Variants in MBTPS1 observed in about 807,000 individuals in gnomAD.
The protein encoded by MBTPS1 is membrane bound transcription factor peptidase, site 1, also known as membrane-bound transcription factor site-1 protease.
Under a neutral mutation model 127.8 loss-of-function variants are expected in MBTPS1, and 94 were observed. The ratio of observed to expected loss-of-function variants is 0.74; its 90% CI spans 0.62 to 0.87. MBTPS1 has a LOEUF of 0.87. Ranked by LOEUF, MBTPS1 falls within the 40% of genes least tolerant of loss-of-function variation. The pLI is 0.00. For missense variants in MBTPS1, 1,636 were observed against 1,353.2 expected, an observed-to-expected ratio of 1.21 and a Z score of -3.28; for synonymous variants, 632 against 509.4, an observed-to-expected ratio of 1.24 and a Z score of -3.24.
At chr16:84,091,235 C>A (rs112234205) in intron 7 of MBTPS1, among the ~76,000 whole-genome samples, 1 of 152,114 alleles carries the variant, frequency 6.6e-6, no homozygotes, top group East Asian at 1.9e-4. Flanking sequence ...CCTGTAATCC[C>A]AGCACTTTGA....
chr16:84,065,560 T>C, intron 18 of MBTPS1, 130 bp downstream of exon 18: 1 of 692,216 alleles, frequency 1.4e-6, no homozygotes, highest in East Asian at 2.7e-5. Flanking sequence ...GGGCAACTGT[T>C]ATGGTATGTA....
At chr16:84,088,007 G>C (rs571992213) in intron 8 of MBTPS1, among the ~76,000 whole-genome samples, 40 of 152,226 alleles carry the variant, frequency 2.6e-4, no homozygotes, top group African/African-American at 9.2e-4. Flanking sequence ...AACTGTAGAA[G>C]GACTATCATT....
chr16:84,074,518 G>A lies in MBTPS1; in HGVS notation c.1593+79C>T, dbSNP rs1221058558. On this transcript the variant is annotated intron_variant, in intron 12 of 22. Transcript: ENST00000343411. ...AACTTTTCCTTTTTTAACTTCAGCAGAAGTAACTATGGCCTAAAGGTCTGG... is the reference window on the plus strand; with the variant it reads ...AACTTTTCCTTTTTTAACTTCAGCAAAAGTAACTATGGCCTAAAGGTCTGG... 34 of 1,443,878 alleles carry A rather than the reference G, an allele frequency of 2.4e-5. 1 individual carries two copies. The highest frequency in any genetic ancestry group is 3.6e-4 in the Middle Eastern group (2 of 5,486). 89.4% of individuals were successfully genotyped at this position (1,443,878 alleles called of 1,614,324 possible). A position where few individuals can be genotyped will look rare whatever the true frequency, so the allele number is the denominator to read the frequency against.
chr16:84,065,480 A>T (rs2151144335), intron 18 of MBTPS1, among the ~76,000 whole-genome samples: 1 of 152,320 alleles, frequency 6.6e-6, no homozygotes, highest in East Asian at 1.9e-4. Context: ...ATTGTTCTGG[A>T]AGTAGACAAT....
chr16:84,079,693 C>CAT (rs1555510959), intron 11 of MBTPS1, among the ~76,000 whole-genome samples: 1 of 152,176 alleles, frequency 6.6e-6, no homozygotes, highest in Non-Finnish European at 1.5e-5. Context: ...ACAGAGGTAA[C>CAT]ATGACCATCT....
intron 7 of MBTPS1, among the ~76,000 whole-genome samples, chr16:84,091,176 G>A (rs765951824): frequency 5.3e-5 from 8 of 152,174 alleles, no homozygotes; most frequent in Non-Finnish European, 7.3e-5. Flanking sequence ...AGGAAAACAC[G>A]AATTGCATGT....
At chr16:84,108,628 T>G (rs1166399009) in intron 1 of MBTPS1, among the ~76,000 whole-genome samples, 2 of 152,182 alleles carry the variant, frequency 1.3e-5, no homozygotes, top group Non-Finnish European at 2.9e-5. Flanking sequence ...CCTGAAGAAT[T>G]CTGCTGAAGA....
At chr16:84,066,462 C>A (rs1304687850) in intron 17 of MBTPS1, 27 bp downstream of exon 17, 1 of 1,611,696 alleles carries the variant, frequency 6.2e-7, no homozygotes, top group East Asian at 2.2e-5. Flanking sequence ...ACACCTAAGA[C>A]CACGCCCTCA....
intron 1 of MBTPS1, among the ~76,000 whole-genome samples, chr16:84,112,898 C>A (rs771493926): frequency 6.8e-6 from 1 of 147,002 alleles, no homozygotes; most frequent in African/African-American, 2.5e-5. Context: ...TCGCTTGAAC[C>A]TGGGAGACAG....
intron 16 of MBTPS1, among the ~76,000 whole-genome samples, chr16:84,067,285 A>G (rs866753737): frequency 1.3e-5 from 2 of 152,200 alleles, no homozygotes; most frequent in Non-Finnish European, 2.9e-5. Context: ...CTCATACTCA[A>G]TAAACATCTT....
intron 10 of MBTPS1, among the ~76,000 whole-genome samples, chr16:84,084,097 T>C (rs1356279805): frequency 2.6e-5 from 4 of 152,136 alleles, no homozygotes; most frequent in African/African-American, 9.7e-5. Flanking sequence ...GTAGCTGGGA[T>C]TACAGCCGCC....
At chr16:84,092,844 A>C (rs541897501) in intron 6 of MBTPS1, among the ~76,000 whole-genome samples, 3 of 152,320 alleles carry the variant, frequency 2.0e-5, no homozygotes, top group African/African-American at 7.2e-5. Context: ...CACTTATTCT[A>C]TCTGCAATTG....
chr16:84,069,256 C>A (rs1346910660), intron 14 of MBTPS1, among the ~76,000 whole-genome samples: 7 of 152,186 alleles, frequency 4.6e-5, no homozygotes, highest in African/African-American at 4.8e-5. Flanking sequence ...AGAAAGTCAG[C>A]CCAGCTGCCC....
chr16:84,078,848 G>A (rs1366733467), intron 11 of MBTPS1, among the ~76,000 whole-genome samples: 1 of 152,214 alleles, frequency 6.6e-6, no homozygotes, highest in Non-Finnish European at 1.5e-5. Context: ...GGGGCAGGGG[G>A]AAGGATAAAC....
At chr16:84,068,478 T>G in intron 14 of MBTPS1, 24 bp from the exon 15 acceptor site, 1 of 1,483,952 alleles carries the variant, frequency 6.7e-7, no homozygotes, top group Non-Finnish European at 9.4e-7. Flanking sequence ...GGCCACAGCA[T>G]TAAAATGATC....
rs759071855 is a variant in MBTPS1, at chr16:84,101,770, T to C, written c.14A>G (p.Asn5Ser). 6 of 1,613,060 alleles carry C rather than the reference T, an allele frequency of 3.7e-6. No individual in the cohort carries two copies. The highest frequency in any genetic ancestry group is 5.1e-6 in the Non-Finnish European group (6 of 1,179,440). Residue 5 changes from asparagine to serine, a missense_variant, in exon 2 of 23, where the codon AAC becomes AGC. Physicochemically the swap from Asn to Ser is conservative, Grantham distance 46. Coordinates refer to ENST00000343411, the MANE Select transcript of MBTPS1 (RefSeq NM_003791.4). ...AACCACGAGCAGAAGCAGCCAGATG[T>C]TGACAAGCTTCATGGTCACAAGCGA... MKLVNIWLLLLVVLL... is the reference protein window; with the variant it reads MKLVSIWLLLLVVLL...
intron 8 of MBTPS1, among the ~76,000 whole-genome samples, chr16:84,090,330 CT>C (rs142771358): frequency 0.044 from 6,716 of 152,260 alleles, 175 homozygotes; most frequent in African/African-American, 0.062. Flanking sequence ...AAAGGCCCCC[CT>C]GTGACACTGT....
chr16:84,062,741 A>G (rs1243389563), intron 19 of MBTPS1, among the ~76,000 whole-genome samples: 6 of 152,232 alleles, frequency 3.9e-5, no homozygotes, highest in Admixed American at 3.3e-4. Context: ...CAACGGATGC[A>G]TCGAGAGACT....
intron 18 of MBTPS1, 80 bp downstream of exon 18, chr16:84,065,610 G>A: frequency 1.1e-6 from 1 of 905,506 alleles, no homozygotes; most frequent in Non-Finnish European, 1.9e-6. Flanking sequence ...AAGAGACAGA[G>A]ATGAGAGACA....
Sources: allele counts gnomAD v4.1 joint callset (sites outside exome capture counted in the v4.1 genomes callset), GRCh38; gene constraint gnomAD v4.1.1; transcripts MANE v1.5; gene names NCBI Gene and HGNC (gene_info 2026-07-23, HGNC 2026-07-21).